LRRC8A: variants seen among roughly 807,000 people sequenced by gnomAD.
LRRC8A encodes the protein leucine rich repeat containing 8 VRAC subunit A, also known as volume-regulated anion channel subunit LRRC8A.
Under a neutral mutation model 52.5 loss-of-function variants are expected in LRRC8A, and 24 were observed. The ratio of observed to expected loss-of-function variants is 0.46; its 90% CI spans 0.33 to 0.64. The LOEUF is 0.64. LRRC8A is among the 30% of genes least tolerant of loss of function. LRRC8A has a pLI of 0.02. For missense variants in LRRC8A, 677 were observed against 1,094.7 expected (o/e 0.62, Z 5.38); for synonymous variants, 492 against 494.2 (o/e 1.00, Z 0.06).
rs866831717 is a variant in LRRC8A at position 128,892,230 on chromosome 9, G to C, written c.-9+6109G>C. ...AGGACATACTGGGCACTTAGTTGAC[G>C]GTCAGTAACTGGGCGCTCCTGCCCC... is the stretch of plus-strand genomic sequence containing the variant. On this transcript the variant is annotated intron_variant, in intron 2 of 3. Transcript: ENST00000372600. This position sits in a 1 kb window ranked among gnomAD's most constrained non-coding sequence, Gnocchi z 5.2. Among the ~76,000 whole-genome samples the C allele has an allele frequency of 6.6e-6, 1 of 152,168 alleles. No individual in the cohort carries two copies. Among genetic ancestry groups the C allele is most frequent in the African/African-American group, 2.4e-5 (1 of 41,446 alleles).
rs1840896186 is a variant in LRRC8A, at chr9:128,917,894, A to G, written c.*1523A>G. ...ATTATGTCCATCCGTCTGTCCGTCCATTTGTGTTTTCTGCGTCGTGTCATT... is the reference window on the plus strand; with the variant it reads ...ATTATGTCCATCCGTCTGTCCGTCCGTTTGTGTTTTCTGCGTCGTGTCATT... On this transcript the variant is annotated 3_prime_UTR_variant, in exon 4 of 4. Transcript: ENST00000372600. 2 of 152,674 alleles carry G rather than the reference A, an allele frequency of 1.3e-5. No individual in the cohort carries two copies. The highest frequency in any genetic ancestry group is 6.5e-5 in the Admixed American group (1 of 15,280). The allele number at this position is 152,674 out of a possible 1,614,324, so 9.5% of individuals were successfully genotyped here. A position where few individuals can be genotyped will look rare whatever the true frequency, so the allele number is the denominator to read the frequency against.
chr9:128,902,880 G>A lies in LRRC8A; in HGVS notation c.-8-4277G>A, dbSNP rs1420871610. On this transcript the variant is annotated intron_variant, in intron 2 of 3. Transcript: ENST00000372600. This position sits in a 1 kb window ranked among gnomAD's most constrained non-coding sequence, Gnocchi z 4.1. ...ACTGACTTCTGGCCTGGAGCTGCCA[G>A]CCCAGGGCGGGCGGTGGTGTCTGCT... Among the ~76,000 whole-genome samples the A allele has an allele frequency of 6.6e-6, 1 of 152,168 alleles. No individual in the cohort carries two copies. Among genetic ancestry groups the A allele is most frequent in the Non-Finnish European group, 1.5e-5 (1 of 68,018 alleles).
chr9:128,914,362 C>CA (rs1452525608), intron 3 of LRRC8A, among the ~76,000 whole-genome samples: 1 of 149,872 alleles, frequency 6.7e-6, no homozygotes, highest in East Asian at 2.0e-4. Context: ...TCCGAGTCTG[C>CA]AAAACGGTCC....
At chr9:128,897,538 G>A (rs575133005) in intron 2 of LRRC8A, among the ~76,000 whole-genome samples, 2 of 151,988 alleles carry the variant, frequency 1.3e-5, no homozygotes, top group African/African-American at 2.4e-5. Flanking sequence ...CTTTGAGATC[G>A]TGATTTAAAA....
At chr9:128,894,077 C>T (rs1269456577) in intron 2 of LRRC8A, among the ~76,000 whole-genome samples, 2 of 152,106 alleles carry the variant, frequency 1.3e-5, no homozygotes, top group Admixed American at 6.5e-5. Context: ...GACGGGGTTT[C>T]GCCATGTTGG....
chr9:128,883,158 G>A (rs1839187827), intron 1 of LRRC8A, among the ~76,000 whole-genome samples: 1 of 152,168 alleles, frequency 6.6e-6, no homozygotes, highest in African/African-American at 2.4e-5. Flanking sequence ...GTTCCTGGGT[G>A]AGCCACACTT....
At chr9:128,898,029 A>G (rs1839886177) in intron 2 of LRRC8A, among the ~76,000 whole-genome samples, 1 of 126,074 alleles carries the variant, frequency 7.9e-6, no homozygotes, top group Non-Finnish European at 1.6e-5. Context: ...CCTCACTTCT[A>G]AGATTGTTCA....
At chr9:128,903,498 C>T (rs1840111480) in intron 2 of LRRC8A, among the ~76,000 whole-genome samples, 1 of 151,496 alleles carries the variant, frequency 6.6e-6, no homozygotes, top group African/African-American at 2.4e-5. Context: ...CTGCAAGCTC[C>T]ACTTCCCGGG....
At chr9:128,894,716 C>T (rs911629905) in intron 2 of LRRC8A, among the ~76,000 whole-genome samples, 1 of 151,476 alleles carries the variant, frequency 6.6e-6, no homozygotes, top group African/African-American at 2.4e-5. Context: ...TCGCTTGAAC[C>T]CAGGAGGTAG....
At chr9:128,901,395 C>G (rs951764868) in intron 2 of LRRC8A, among the ~76,000 whole-genome samples, 2 of 148,646 alleles carry the variant, frequency 1.3e-5, no homozygotes, top group Admixed American at 1.3e-4. Flanking sequence ...ACCTGGGAGG[C>G]GGAGATTGCA....
intron 1 of LRRC8A, chr9:128,882,940 C>T (rs537759815): frequency 5.0e-6 from 2 of 396,936 alleles, no homozygotes; most frequent in South Asian, 2.8e-4. Context: ...ACTGAGCTCC[C>T]AGGCTGAAGG....
At chr9:128,887,104 A>AT (rs34753031) in intron 2 of LRRC8A, among the ~76,000 whole-genome samples, 106 of 146,954 alleles carry the variant, frequency 7.2e-4, no homozygotes, top group East Asian at 9.9e-4. Context: ...AGAAATAGTA[A>AT]TTTTTTTTTT....
chr9:128,906,407 C>G (rs1840253707), intron 2 of LRRC8A, among the ~76,000 whole-genome samples: 1 of 147,084 alleles, frequency 6.8e-6, no homozygotes, highest in Non-Finnish European at 1.5e-5. Flanking sequence ...ACTGCAACCT[C>G]CACCTCCCGG....
Position 128,907,430 on chromosome 9 carries a change from C to A in LRRC8A, c.266C>A (p.Thr89Asn). ...TACCCCAACTCCACCATTCTGCCGA[C>A]CCCTGACACGGGCCCCACAGGCATC... Reference protein sequence around the residue: ...PTYPNSTILPTPDTGPTGIKY... With the variant: ...PTYPNSTILPNPDTGPTGIKY... Residue 89 changes from threonine (T) to asparagine (N), a missense_variant, in exon 3 of 4, where the codon ACC becomes AAC. Thr to Asn is a moderately conservative substitution (Grantham distance 65). Around this residue, in one of 4 missense-constraint regions of LRRC8A, gnomAD observed 54 missense variants for 49.7 expected, o/e 1.09. Transcript: ENST00000372600. The surrounding 1 kb of genome is among the most constrained non-coding windows in gnomAD (Gnocchi z 9.3). 6.2e-7 allele frequency: 1 copy of A among 1,613,618 alleles called. No individual in the cohort carries two copies. The highest frequency in any genetic ancestry group is 1.3e-5 in the African/African-American group (1 of 75,040).
Position 128,902,907 on chromosome 9 carries a change from G to T in LRRC8A, c.-8-4250G>T, listed in dbSNP as rs896810807. On this transcript the variant is annotated intron_variant, in intron 2 of 3. Transcript: ENST00000372600. This position sits in a 1 kb window ranked among gnomAD's most constrained non-coding sequence, Gnocchi z 4.1. ...CCAGGGCGGGCGGTGGTGTCTGCTG[G>T]CCCCTTTGTGACCTGAGCGCTGGTA... Among the ~76,000 whole-genome samples the T allele has an allele frequency of 6.6e-6, 1 of 152,142 alleles. No homozygotes were observed. Among genetic ancestry groups the T allele is most frequent in the African/African-American group, 2.4e-5 (1 of 41,424 alleles).
At chr9:128,891,090 G>A (rs924817018) in intron 2 of LRRC8A, among the ~76,000 whole-genome samples, 1 of 151,798 alleles carries the variant, frequency 6.6e-6, no homozygotes, top group African/African-American at 2.4e-5. Context: ...GGCCAACATG[G>A]TGAAACCCCG....
chr9:128,916,762 T>A lies in LRRC8A; in HGVS notation c.*391T>A, dbSNP rs979026117. 5.6e-6 allele frequency: 1 copy of A among 177,950 alleles called. No homozygotes were observed. The highest frequency in any genetic ancestry group is 5.6e-5 in the Admixed American group (1 of 17,924). The allele number at this position is 177,950 out of a possible 1,614,324, so 11.0% of individuals were successfully genotyped here. A position where few individuals can be genotyped will look rare whatever the true frequency, so the allele number is the denominator to read the frequency against. Reference sequence around the variant, plus strand: ...CCACCTCCTTCATCCAGATAACTTATACATTCCCAAGAAAGTTCAGCCCAG... The same window carrying A: ...CCACCTCCTTCATCCAGATAACTTAAACATTCCCAAGAAAGTTCAGCCCAG... On this transcript the variant is annotated 3_prime_UTR_variant, in exon 4 of 4. Coordinates refer to ENST00000372600, the MANE Select transcript of LRRC8A (RefSeq NM_019594.4). This position sits in a 1 kb window ranked among gnomAD's most constrained non-coding sequence, Gnocchi z 6.1.
chr9:128,909,699 G>A (rs765057526), intron 3 of LRRC8A, among the ~76,000 whole-genome samples: 1 of 152,208 alleles, frequency 6.6e-6, no homozygotes, highest in African/African-American at 2.4e-5. Context: ...TCGCAAAGCC[G>A]GGTGGTGGGA....
chr9:128,895,959 T>G (rs568209136), intron 2 of LRRC8A, among the ~76,000 whole-genome samples: 1 of 152,248 alleles, frequency 6.6e-6, no homozygotes, highest in Non-Finnish European at 1.5e-5. Context: ...CAGACTTCAG[T>G]GTTTTGCAGT....
Sources: allele counts gnomAD v4.1 joint callset (sites outside exome capture counted in the v4.1 genomes callset), GRCh38; gene constraint gnomAD v4.1.1; regional missense constraint gnomAD v4.1.1; non-coding constraint Gnocchi (gnomAD v3.1); transcripts MANE v1.5; gene names NCBI Gene and HGNC (gene_info 2026-07-23, HGNC 2026-07-21).